The following ADCY8 variants were observed in gnomAD, a reference collection of about 807,000 sequenced individuals.
The protein encoded by ADCY8 is adenylate cyclase 8.
Under a neutral mutation model 119.7 loss-of-function variants are expected in ADCY8, and 51 were observed. The observed-to-expected ratio is 0.43, with a 90% CI of 0.34 to 0.54. ADCY8 has a LOEUF of 0.54. ADCY8 is among the 20% of genes least tolerant of loss of function. The probability of loss-of-function intolerance (pLI) is 0.03; values close to 1 mark genes in which losing one functional copy is unlikely to be tolerated. For missense variants in ADCY8, 1,383 were observed against 1,598.8 expected (o/e 0.87, Z 2.30); for synonymous variants, 665 against 651.0 (o/e 1.02, Z -0.33).
chr8:130,943,697 T>C (rs1449793819), intron 3 of ADCY8, among the ~76,000 whole-genome samples: 1 of 152,210 alleles, frequency 6.6e-6, no homozygotes, highest in African/African-American at 2.4e-5. Flanking sequence ...CCTTTTTTCC[T>C]GTGCAGGGCT....
intron 2 of ADCY8, among the ~76,000 whole-genome samples, chr8:130,986,515 A>G (rs1822406464): frequency 6.6e-6 from 1 of 152,222 alleles, no homozygotes; most frequent in African/African-American, 2.4e-5. Context: ...AGTGGGATGC[A>G]TTCTTTAATA....
intron 5 of ADCY8, among the ~76,000 whole-genome samples, chr8:130,916,586 A>G (rs1003604209): frequency 6.6e-6 from 1 of 152,254 alleles, no homozygotes; most frequent in East Asian, 1.9e-4. Flanking sequence ...TAACATGTCC[A>G]TAATGGCCAT....
intron 1 of ADCY8, among the ~76,000 whole-genome samples, chr8:131,031,494 C>A (rs1227317770): frequency 6.6e-6 from 1 of 152,048 alleles, no homozygotes; most frequent in Non-Finnish European, 1.5e-5. Context: ...TGTTTTTGGT[C>A]CTTGTTATGG....
At chr8:131,001,959 T>G (rs1331863120) in intron 1 of ADCY8, among the ~76,000 whole-genome samples, 1 of 152,208 alleles carries the variant, frequency 6.6e-6, no homozygotes, top group Non-Finnish European at 1.5e-5. Context: ...TGCTGCCATT[T>G]ACCTCCAGGG....
chr8:131,021,853 G>T lies in ADCY8; in HGVS notation c.960+17521C>A, dbSNP rs148410488. Among the ~76,000 whole-genome samples, 1,499 of 152,270 alleles carry T rather than the reference G, an allele frequency of 9.8e-3. 32 individuals carry two copies. Among genetic ancestry groups the T allele is most frequent in the African/African-American group, 0.034 (1,404 of 41,556 alleles). Reference sequence around the variant, plus strand: ...TCCTTTATAAATTACCCAGTCTCAGGTATGTCCTTATAGCTGTGTGAGAAC... The same window carrying T: ...TCCTTTATAAATTACCCAGTCTCAGTTATGTCCTTATAGCTGTGTGAGAAC... On this transcript the variant is annotated intron_variant, in intron 1 of 17. Coordinates refer to ENST00000286355, the MANE Select transcript of ADCY8 (RefSeq NM_001115.3).
chr8:130,836,185 G>A, intron 12 of ADCY8, 92 bp downstream of exon 12: 2 of 1,379,682 alleles, frequency 1.4e-6, no homozygotes, highest in Non-Finnish European at 2.0e-6. Context: ...CAGGCCTTAA[G>A]TTTTAGTAAT....
chr8:130,964,390 C>T (rs1821698956), intron 2 of ADCY8, among the ~76,000 whole-genome samples: 2 of 151,974 alleles, frequency 1.3e-5, no homozygotes, highest in African/African-American at 4.8e-5. Context: ...TGAGCTTGTC[C>T]TCAAACCCAG....
intron 12 of ADCY8, among the ~76,000 whole-genome samples, chr8:130,827,753 C>G (rs945096199): frequency 3.3e-5 from 5 of 152,168 alleles, no homozygotes; most frequent in Admixed American, 2.6e-4. Context: ...TCTGGGATAC[C>G]AAGGTACAAC....
intron 2 of ADCY8, among the ~76,000 whole-genome samples, chr8:130,977,894 T>C (rs1002019347): frequency 1.3e-5 from 2 of 152,226 alleles, no homozygotes; most frequent in Non-Finnish European, 2.9e-5. Flanking sequence ...TGGGGCTGAC[T>C]CTCGAGTCAT....
chr8:130,899,861 G>A lies in ADCY8; in HGVS notation c.1911+3911C>T, dbSNP rs537222922. Among the ~76,000 whole-genome samples the A allele has an allele frequency of 3.3e-5, 5 of 152,192 alleles. No individual in the cohort carries two copies. In the South Asian group the frequency reaches 8.3e-4, roughly 25 times the overall value. On this transcript the variant is annotated intron_variant, in intron 7 of 17. Transcript: ENST00000286355. ...TTCAACTGAGAGATTCAATGTCCAT[G>A]TTGATAACTCATTTAATAATCTAGC... is the stretch of plus-strand genomic sequence containing the variant.
At chr8:130,845,383 C>A (rs949727069) in intron 11 of ADCY8, among the ~76,000 whole-genome samples, 12 of 152,268 alleles carry the variant, frequency 7.9e-5, no homozygotes, top group Non-Finnish European at 1.8e-4. Flanking sequence ...TTGTTTAACT[C>A]CACAGTAGCC....
intron 1 of ADCY8, among the ~76,000 whole-genome samples, chr8:131,022,185 A>T (rs890293989): frequency 7.2e-5 from 11 of 152,210 alleles, no homozygotes; most frequent in Non-Finnish European, 1.5e-4. Context: ...CAGTTTTGCT[A>T]CATAGGTATA....
chr8:130,915,732 C>T (rs1586567341), intron 5 of ADCY8, among the ~76,000 whole-genome samples: 1 of 152,172 alleles, frequency 6.6e-6, no homozygotes, highest in Admixed American at 6.5e-5. Flanking sequence ...CAGATTGAAT[C>T]AGACCAATAA....
intron 8 of ADCY8, among the ~76,000 whole-genome samples, chr8:130,880,083 T>A (rs963503783): frequency 9.8e-5 from 15 of 152,308 alleles, no homozygotes; most frequent in African/African-American, 3.6e-4. Flanking sequence ...AAGATGTGAC[T>A]TGCTCCTCCT....
intron 1 of ADCY8, among the ~76,000 whole-genome samples, chr8:131,033,036 C>T (rs1394709013): frequency 6.6e-6 from 1 of 152,200 alleles, no homozygotes; most frequent in Non-Finnish European, 1.5e-5. Context: ...CAAGAACACA[C>T]TTCAGAAGTG....
intron 12 of ADCY8, among the ~76,000 whole-genome samples, chr8:130,827,185 G>C (rs1816695286): frequency 6.6e-6 from 1 of 152,068 alleles, no homozygotes; most frequent in South Asian, 2.1e-4. Flanking sequence ...GTGAGGGTAT[G>C]GAAGTCTTCA....
At chr8:130,999,826 A>G (rs1359945186) in intron 1 of ADCY8, among the ~76,000 whole-genome samples, 1 of 152,200 alleles carries the variant, frequency 6.6e-6, no homozygotes, top group East Asian at 1.9e-4. Flanking sequence ...TTTCTTTTAA[A>G]CATTTAGACA....
intron 11 of ADCY8, 102 bp downstream of exon 11, chr8:130,847,322 C>T (rs1817361387): frequency 5.1e-6 from 4 of 791,798 alleles, no homozygotes; most frequent in Admixed American, 5.5e-5. Flanking sequence ...AAACAGGCCT[C>T]TTGAGTATTT....
intron 12 of ADCY8, among the ~76,000 whole-genome samples, chr8:130,829,936 A>G (rs1435771817): frequency 6.6e-6 from 1 of 152,158 alleles, no homozygotes; most frequent in Non-Finnish European, 1.5e-5. Flanking sequence ...CCATGCATGA[A>G]CATGCCTTTC....
Sources: gnomAD v4.1 joint callset for allele counts (sites outside exome capture counted in the v4.1 genomes callset) on GRCh38, gnomAD v4.1.1 for gene constraint, MANE v1.5 for transcripts, NCBI Gene and HGNC (gene_info 2026-07-23, HGNC 2026-07-21) for gene names.